The following GPC5 variants were observed in gnomAD, a reference collection of about 807,000 sequenced individuals.
The protein encoded by GPC5 is glypican-5.
In GPC5, 47 loss-of-function variants were observed where a neutral mutation model predicts 53.9. The observed-to-expected ratio is 0.87, with a 90% CI of 0.69 to 1.11. The LOEUF is 1.11. Among genes scored for constraint, GPC5 ranks in the 50% most tolerant of loss-of-function variants. The pLI, the probability that GPC5 is intolerant of heterozygous loss-of-function variation, is 0.00. For missense variants in GPC5, 748 were observed against 713.1 expected (o/e 1.05, Z -0.56); for synonymous variants, 286 against 263.3 (o/e 1.09, Z -0.84).
chr13:92,577,641 A>G (rs1016447469), intron 7 of GPC5, among the ~76,000 whole-genome samples: 2 of 152,184 alleles, frequency 1.3e-5, no homozygotes, highest in Non-Finnish European at 2.9e-5. Context: ...TAAAACTGGA[A>G]TGGACTAAAA....
chr13:91,906,032 A>AC lies in GPC5; in HGVS notation c.1281-1898dup, dbSNP rs997136168. On this transcript the variant is annotated intron_variant, in intron 5 of 7. Transcript: ENST00000377067. ...CAAACATGTAGTTTCTTTATCCCTCACCCCCCCTGCCAACGTCCCTGTTCT... is the reference window on the plus strand; with the variant it reads ...CAAACATGTAGTTTCTTTATCCCTCACCCCCCCCTGCCAACGTCCCTGTTCT... Among the ~76,000 whole-genome samples, 29 of 151,050 alleles carry AC rather than the reference A, an allele frequency of 1.9e-4. 1 individual carries two copies. Among genetic ancestry groups the AC allele is most frequent in the African/African-American group, 4.4e-4 (18 of 41,094 alleles).
At chr13:92,559,348 G>A (rs1882613421) in intron 7 of GPC5, among the ~76,000 whole-genome samples, 1 of 151,378 alleles carries the variant, frequency 6.6e-6, no homozygotes, top group Admixed American at 6.6e-5. Flanking sequence ...GTGTGTGTGT[G>A]TGTGTGTGTG....
At chr13:92,375,320 G>A (rs988968301) in intron 7 of GPC5, among the ~76,000 whole-genome samples, 1 of 152,090 alleles carries the variant, frequency 6.6e-6, no homozygotes, top group Admixed American at 6.6e-5. Context: ...TTTTTTTAAG[G>A]CGACTTCCTT....
intron 7 of GPC5, among the ~76,000 whole-genome samples, chr13:92,796,422 T>G (rs9556214): frequency 0.11 from 16,106 of 151,888 alleles, 2,000 homozygotes; most frequent in East Asian, 0.66. Flanking sequence ...ATGATGAGTT[T>G]ATGGGTGCAG....
At chr13:91,996,256 G>A (rs2040503160) in intron 6 of GPC5, 1 of 152,228 alleles carries the variant, frequency 6.6e-6, no homozygotes, top group African/African-American at 2.4e-5. Flanking sequence ...CTGCAGGAAA[G>A]TGTTAGATCA....
At chr13:91,683,576 T>C (rs574675408) in intron 2 of GPC5, among the ~76,000 whole-genome samples, 1 of 152,334 alleles carries the variant, frequency 6.6e-6, no homozygotes, top group East Asian at 1.9e-4. Context: ...TTTACCAGAC[T>C]TCTGGTCATG....
At chr13:92,736,215 A>G (rs770810265) in intron 7 of GPC5, among the ~76,000 whole-genome samples, 1 of 152,018 alleles carries the variant, frequency 6.6e-6, no homozygotes, top group Non-Finnish European at 1.5e-5. Context: ...GTTTTTAATA[A>G]GCTAATAGTC....
chr13:92,212,097 A>G (rs2042379543), intron 7 of GPC5, among the ~76,000 whole-genome samples: 1 of 151,326 alleles, frequency 6.6e-6, no homozygotes, highest in Non-Finnish European at 1.5e-5. Context: ...AAAAAAAAAG[A>G]CAATGACATG....
intron 7 of GPC5, chr13:92,658,935 T>TTG (rs1566347751): frequency 7.4e-6 from 1 of 135,460 alleles, no homozygotes; most frequent in Non-Finnish European, 1.6e-5. Context: ...TTTTTTTTTT[T>TTG]TTTTTTTTTT....
intron 6 of GPC5, among the ~76,000 whole-genome samples, chr13:92,010,968 G>A (rs1274025292): frequency 6.6e-6 from 1 of 152,116 alleles, no homozygotes. Flanking sequence ...ATGCCAAAAT[G>A]TTATAGATTT....
intron 5 of GPC5, among the ~76,000 whole-genome samples, chr13:91,871,254 A>G (rs2039140753): frequency 6.6e-6 from 1 of 152,206 alleles, no homozygotes; most frequent in South Asian, 2.1e-4. Context: ...CTCGTACAAG[A>G]ACAGAAAACC....
intron 7 of GPC5, among the ~76,000 whole-genome samples, chr13:92,383,226 T>A (rs1271176901): frequency 1.3e-5 from 2 of 152,164 alleles, no homozygotes; most frequent in Non-Finnish European, 2.9e-5. Flanking sequence ...GTAAAAGATG[T>A]TTAAGCCAAC....
chr13:92,146,034 C>A (rs2041864554), intron 7 of GPC5, among the ~76,000 whole-genome samples: 1 of 151,932 alleles, frequency 6.6e-6, no homozygotes, highest in Admixed American at 6.6e-5. Flanking sequence ...AAAAGAGGTG[C>A]AAAATTAAAA....
At chr13:92,737,468 T>C (rs1888966936) in intron 7 of GPC5, among the ~76,000 whole-genome samples, 1 of 152,080 alleles carries the variant, frequency 6.6e-6, no homozygotes, top group Non-Finnish European at 1.5e-5. Flanking sequence ...GTGCCTTAAA[T>C]AGAATATCAG....
chr13:92,233,355 A>G (rs2042545198), intron 7 of GPC5, among the ~76,000 whole-genome samples: 1 of 152,224 alleles, frequency 6.6e-6, no homozygotes, highest in African/African-American at 2.4e-5. Context: ...AGCATTTGAA[A>G]TATCTGTGTA....
intron 7 of GPC5, among the ~76,000 whole-genome samples, chr13:92,417,513 A>G (rs191470705): frequency 8.5e-5 from 13 of 152,308 alleles, no homozygotes; most frequent in Admixed American, 1.3e-4. Flanking sequence ...AAATTAAACC[A>G]TATGTTCATA....
intron 7 of GPC5, among the ~76,000 whole-genome samples, chr13:92,330,501 T>G (rs965617910): frequency 6.6e-6 from 1 of 152,174 alleles, no homozygotes; most frequent in African/African-American, 2.4e-5. Context: ...AGGTAATGTA[T>G]GTAGGTTCAC....
chr13:92,100,663 T>C (rs893040195), intron 6 of GPC5, among the ~76,000 whole-genome samples: 4 of 152,230 alleles, frequency 2.6e-5, no homozygotes, highest in Non-Finnish European at 5.9e-5. Flanking sequence ...GCTACTTGAA[T>C]TGGCATTTTA....
intron 7 of GPC5, among the ~76,000 whole-genome samples, chr13:92,463,912 G>A (rs1010891107): frequency 1.3e-5 from 2 of 152,064 alleles, no homozygotes; most frequent in South Asian, 2.1e-4. Context: ...GAAAAAGAGT[G>A]TCTTGGCACA....
Sources: allele counts gnomAD v4.1 joint callset (sites outside exome capture counted in the v4.1 genomes callset), GRCh38; gene constraint gnomAD v4.1.1; transcripts MANE v1.5; gene names NCBI Gene and HGNC (gene_info 2026-07-23, HGNC 2026-07-21).